The following MYO7A variants were observed in gnomAD, a reference collection of about 807,000 sequenced individuals.
MYO7A encodes unconventional myosin-VIIa.
Under a neutral mutation model 263.8 loss-of-function variants are expected in MYO7A, and 210 were observed. The observed-to-expected ratio is 0.80, with a 90% CI of 0.71 to 0.89. The LOEUF (loss-of-function observed/expected upper bound fraction) is 0.89, where lower values mean the gene tolerates loss of function less well. Among genes scored for constraint, MYO7A ranks in the 40% least tolerant of loss-of-function variants. The pLI is 0.00. For synonymous variants in MYO7A, 1,239 were observed against 1,197.3 expected (o/e 1.03, Z -0.72); for missense variants, 2,820 against 2,968.3 (o/e 0.95, Z 1.16).
At chr11:77,180,860 T>A (rs1344629136) in intron 22 of MYO7A, among the ~76,000 whole-genome samples, 1 of 152,218 alleles carries the variant, frequency 6.6e-6, no homozygotes, top group Non-Finnish European at 1.5e-5. Flanking sequence ...GACACAGTGC[T>A]TTAAGTGTGA....
chr11:77,211,046 G>A, intron 44 of MYO7A, 106 bp from the exon 45 acceptor site: 2 of 1,061,656 alleles, frequency 1.9e-6, no homozygotes, highest in Non-Finnish European at 2.7e-6. Flanking sequence ...GGGCCCATGT[G>A]CGGGGTAAGG....
In MYO7A at chr11:77,138,822, A is replaced by G. The variant is rs1951031923; in HGVS notation, c.19-3887A>G. Among the ~76,000 whole-genome samples, 2 of 152,240 alleles carry G rather than the reference A, an allele frequency of 1.3e-5. No individual in the cohort carries two copies. Among genetic ancestry groups the G allele is most frequent in the South Asian group, 2.1e-4 (1 of 4,836 alleles). On this transcript the variant is annotated intron_variant, in intron 2 of 48. Coordinates refer to ENST00000409709, the MANE Select transcript of MYO7A (RefSeq NM_000260.4). This position sits in a 1 kb window ranked among gnomAD's most constrained non-coding sequence, Gnocchi z 4.9. ...TCCAAACTATGTTTAGCAACTAGAC[A>G]CTAGCAAGATGCTTGGCTCACGTTT...
chr11:77,152,114 T>G (rs1295935862), intron 4 of MYO7A, among the ~76,000 whole-genome samples: 2 of 152,252 alleles, frequency 1.3e-5, no homozygotes, highest in African/African-American at 4.8e-5. Flanking sequence ...GGCTTGCTCT[T>G]GCCCTCTTAC....
intron 45 of MYO7A, 69 bp downstream of exon 45, chr11:77,211,406 G>A: frequency 6.8e-7 from 1 of 1,477,382 alleles, no homozygotes; most frequent in Non-Finnish European, 9.1e-7. Flanking sequence ...AGGGGCCAAG[G>A]GGGCAGACAC....
chr11:77,175,625 G>A (rs774495028), intron 18 of MYO7A, among the ~76,000 whole-genome samples, 161 bp downstream of exon 18: 3 of 152,158 alleles, frequency 2.0e-5, no homozygotes, highest in African/African-American at 2.4e-5. Flanking sequence ...CCTCTCTGGT[G>A]GGGAAGGGTA....
At chr11:77,187,111 G>T (rs977705558) in intron 27 of MYO7A, among the ~76,000 whole-genome samples, 9 of 152,140 alleles carry the variant, frequency 5.9e-5, no homozygotes, top group African/African-American at 2.2e-4. Flanking sequence ...CATATTCTAT[G>T]GGCACGATTC....
At chr11:77,207,518 C>G (rs1487622834) in intron 42 of MYO7A, 116 bp downstream of exon 42, 1 of 795,746 alleles carries the variant, frequency 1.3e-6, no homozygotes, top group Non-Finnish European at 2.1e-6. Flanking sequence ...GCACTGGCAT[C>G]TGGCCATCTT....
intron 15 of MYO7A, among the ~76,000 whole-genome samples, chr11:77,171,086 C>T (rs1477014498): frequency 6.6e-6 from 1 of 152,246 alleles, no homozygotes; most frequent in Non-Finnish European, 1.5e-5. Flanking sequence ...ATCCTGTCCT[C>T]ATGGGGCTCC....
intron 47 of MYO7A, 72 bp downstream of exon 47, chr11:77,213,107 C>A: frequency 8.4e-7 from 1 of 1,186,762 alleles, no homozygotes; most frequent in Middle Eastern, 2.4e-4. Context: ...CCAGAACGAA[C>A]CCCACAAGCC....
chr11:77,199,499 G>A, intron 34 of MYO7A, 36 bp from the exon 35 acceptor site: 2 of 1,457,560 alleles, frequency 1.4e-6, no homozygotes, highest in Non-Finnish European at 1.8e-6. Context: ...CACTGGTTGG[G>A]GCATGACTGA....
Position 77,206,078 on chromosome 11 carries a change from G to T in MYO7A, c.5637-19G>T, listed in dbSNP as rs752836742. ...CAGTCCCACGCACATGCCCCCTGCT[G>T]CCCCTGCTGCCTTTTCAGAAACGGG... is the stretch of plus-strand genomic sequence containing the variant. On this transcript the variant is annotated intron_variant, in intron 40 of 48. Transcript: ENST00000409709. 2.9e-5 allele frequency: 46 copies of T among 1,590,744 alleles called. No individual in the cohort carries two copies. Among genetic ancestry groups the T allele is most frequent in the Admixed American group, 5.2e-5 (3 of 57,536 alleles).
chr11:77,173,298 T>C (rs1555077772), intron 16 of MYO7A, among the ~76,000 whole-genome samples: 1 of 152,208 alleles, frequency 6.6e-6, no homozygotes, highest in African/African-American at 2.4e-5. Context: ...TGGGGCTGCT[T>C]CTTTGAAAGT....
intron 1 of MYO7A, 72 bp from the exon 2 acceptor site, chr11:77,130,517 G>C: frequency 8.1e-7 from 1 of 1,228,726 alleles, no homozygotes; most frequent in Non-Finnish European, 1.2e-6. Context: ...AGGAGCCCAG[G>C]TGACCCCAGC....
chr11:77,151,736 T>C (rs2135756823), intron 4 of MYO7A, among the ~76,000 whole-genome samples: 1 of 152,354 alleles, frequency 6.6e-6, no homozygotes, highest in Middle Eastern at 3.4e-3. Context: ...GCCAGAGGGC[T>C]CAGGGAGCAG....
At chr11:77,183,260 G>A (rs1245951491) in intron 26 of MYO7A, 103 bp downstream of exon 26, 12 of 977,308 alleles carry the variant, frequency 1.2e-5, no homozygotes, top group Non-Finnish European at 1.9e-5. Flanking sequence ...AGGAGCAGGA[G>A]TGGACACTGT....
chr11:77,162,772 AG>A, intron 13 of MYO7A, 80 bp from the exon 14 acceptor site: 2 of 1,538,454 alleles, frequency 1.3e-6, no homozygotes, highest in Admixed American at 1.9e-5. Flanking sequence ...AAGAAGAGAC[AG>A]GGGGCAAAGA....
intron 12 of MYO7A, 136 bp downstream of exon 12, chr11:77,161,251 C>A: frequency 8.9e-7 from 1 of 1,125,558 alleles, no homozygotes; most frequent in Non-Finnish European, 1.3e-6. Context: ...CACGGTGGAC[C>A]CTCTCCCTTT....
At chr11:77,157,634 T>C (rs534532404) in intron 8 of MYO7A, among the ~76,000 whole-genome samples, 101 of 151,916 alleles carry the variant, frequency 6.6e-4, no homozygotes, top group African/African-American at 2.1e-3. Flanking sequence ...CCTTTAGCCA[T>C]GGGGAGAGCC....
chr11:77,179,564 A>G (rs1954986056), intron 20 of MYO7A, among the ~76,000 whole-genome samples, 171 bp from the exon 21 acceptor site: 1 of 152,222 alleles, frequency 6.6e-6, no homozygotes, highest in Non-Finnish European at 1.5e-5. Flanking sequence ...GTTGCCTGAG[A>G]GGAAACAGAA....
Sources: allele counts gnomAD v4.1 joint callset (sites outside exome capture counted in the v4.1 genomes callset), GRCh38; gene constraint gnomAD v4.1.1; non-coding constraint Gnocchi (gnomAD v3.1); transcripts MANE v1.5; gene names NCBI Gene and HGNC (gene_info 2026-07-23, HGNC 2026-07-21).